The following C12orf42 variants were observed in gnomAD, a reference collection of about 807,000 sequenced individuals.
C12orf42 encodes uncharacterized protein C12orf42.
C12orf42 carries 25 observed loss-of-function variants against 21.6 expected under a neutral mutation model. The observed-to-expected ratio is 1.16, with a 90% CI of 0.84 to 1.62. The LOEUF (loss-of-function observed/expected upper bound fraction) is 1.62, where lower values mean the gene tolerates loss of function less well. Among genes scored for constraint, C12orf42 ranks in the 40% most tolerant of loss-of-function variants. C12orf42 has a pLI of 0.00. For synonymous variants in C12orf42, 174 were observed against 175.0 expected (o/e 0.99, Z 0.05); for missense variants, 483 against 459.3 (o/e 1.05, Z -0.47).
chr12:103,411,938 A>G (rs1361908804), intron 2 of C12orf42, among the ~76,000 whole-genome samples: 1 of 152,222 alleles, frequency 6.6e-6, no homozygotes, highest in African/African-American at 2.4e-5. Flanking sequence ...GAAGGCTATA[A>G]CATACTTCTA....
chr12:103,557,214 A>G, the C12orf42 span, among the ~76,000 whole-genome samples: 3 of 152,194 alleles, frequency 2.0e-5, no homozygotes, highest in Non-Finnish European at 4.4e-5. Context: ...ATAGGAAGAA[A>G]GTTTGAGCTC....
At chr12:103,551,025 T>C in the C12orf42 span, among the ~76,000 whole-genome samples, 4 of 152,216 alleles carry the variant, frequency 2.6e-5, no homozygotes, top group East Asian at 7.7e-4. Context: ...CTATCACTTA[T>C]AGTGTTATTT....
chr12:103,298,788 G>C (rs2037468873), downstream of C12orf42, among the ~76,000 whole-genome samples: 1 of 152,146 alleles, frequency 6.6e-6, no homozygotes, highest in Admixed American at 6.5e-5. Context: ...ATTTTGGTCA[G>C]TTCCAATAAT....
At chr12:103,062,926 C>T in the C12orf42 span, among the ~76,000 whole-genome samples, 8 of 151,786 alleles carry the variant, frequency 5.3e-5, no homozygotes, top group Admixed American at 2.0e-4. Context: ...TTTTTTATGC[C>T]GTTGGCTGCT....
chr12:103,535,214 T>A, the C12orf42 span, among the ~76,000 whole-genome samples: 1 of 152,000 alleles, frequency 6.6e-6, no homozygotes, highest in Non-Finnish European at 1.5e-5. Flanking sequence ...GTTCACATAA[T>A]AAAGGGGAAG....
At chr12:103,348,350 T>C (rs999391327) in intron 4 of C12orf42, among the ~76,000 whole-genome samples, 3 of 152,170 alleles carry the variant, frequency 2.0e-5, no homozygotes, top group Non-Finnish European at 2.9e-5. Flanking sequence ...TCCTACCTTA[T>C]TGTGGGAGAA....
the C12orf42 span, among the ~76,000 whole-genome samples, chr12:103,196,295 G>A: frequency 6.6e-6 from 1 of 152,040 alleles, no homozygotes; most frequent in Non-Finnish European, 1.5e-5. Flanking sequence ...TCTAGAGTAT[G>A]TTTAATATGA....
At chr12:103,250,417 TA>T (rs1181702962) in intron 10 of C12orf42, among the ~76,000 whole-genome samples, 1 of 152,018 alleles carries the variant, frequency 6.6e-6, no homozygotes, top group Non-Finnish European at 1.5e-5. Context: ...CAACAGCACC[TA>T]CATTTTAAAG....
chr12:103,493,722 CAAA>C (rs34431365), intron 1 of C12orf42, among the ~76,000 whole-genome samples: 20 of 103,672 alleles, frequency 1.9e-4, no homozygotes, highest in South Asian at 3.3e-4. Context: ...AAAGGGGAGA[CAAA>C]AAAAAAAAAA....
At chr12:103,326,087 G>A (rs2040668777) in intron 4 of C12orf42, among the ~76,000 whole-genome samples, 1 of 152,144 alleles carries the variant, frequency 6.6e-6, no homozygotes, top group African/African-American at 2.4e-5. Flanking sequence ...ACAATTTGAT[G>A]AGGTTATCAT....
the C12orf42 span, among the ~76,000 whole-genome samples, chr12:103,540,295 C>T: frequency 5.7e-4 from 87 of 152,246 alleles, no homozygotes; most frequent in Non-Finnish European, 8.8e-4. Context: ...TGTGAGCTAC[C>T]GCGCCCGGCC....
the C12orf42 span, among the ~76,000 whole-genome samples, chr12:103,520,790 T>A: frequency 6.6e-6 from 1 of 152,258 alleles, no homozygotes; most frequent in Non-Finnish European, 1.5e-5. Flanking sequence ...TTCATGGGCA[T>A]GCCCAGTCCA....
At chr12:103,472,443 T>C (rs1486766997) in intron 2 of C12orf42, among the ~76,000 whole-genome samples, 1 of 152,178 alleles carries the variant, frequency 6.6e-6, no homozygotes, top group East Asian at 1.9e-4. Context: ...CCCTATTTGG[T>C]ACATTTAGCA....
intron 3 of C12orf42, 88 bp downstream of exon 3, chr12:103,401,519 A>C (rs2047990213): frequency 4.5e-6 from 5 of 1,104,116 alleles, no homozygotes; most frequent in Non-Finnish European, 6.7e-6. Flanking sequence ...AAAAATACAA[A>C]GAAACAAATC....
At chr12:103,287,516 G>T (rs1473686484) in intron 4 of C12orf42, among the ~76,000 whole-genome samples, 1 of 151,924 alleles carries the variant, frequency 6.6e-6, no homozygotes, top group Non-Finnish European at 1.5e-5. Flanking sequence ...GAGAACACAT[G>T]GACACAGGAA....
chr12:103,114,177 A>C, the C12orf42 span, among the ~76,000 whole-genome samples: 1 of 152,234 alleles, frequency 6.6e-6, no homozygotes, highest in Non-Finnish European at 1.5e-5. Context: ...TTATTGTTAA[A>C]GTGTTTCAAT....
At chr12:103,129,727 C>T in the C12orf42 span, among the ~76,000 whole-genome samples, 3 of 152,176 alleles carry the variant, frequency 2.0e-5, no homozygotes, top group East Asian at 1.9e-4. Context: ...CATTCTAGCC[C>T]AGTCTTCACT....
chr12:103,490,892 C>T (rs1279923267), intron 1 of C12orf42, among the ~76,000 whole-genome samples: 1 of 151,676 alleles, frequency 6.6e-6, no homozygotes, highest in Non-Finnish European at 1.5e-5. Flanking sequence ...AATATTAAAC[C>T]ATTCTGAAAT....
chr12:103,363,926 A>G (rs1234900301), intron 4 of C12orf42, among the ~76,000 whole-genome samples: 2 of 152,134 alleles, frequency 1.3e-5, no homozygotes, highest in African/African-American at 2.4e-5. Flanking sequence ...TGACAGCACT[A>G]GACAGGCCAT....
Sources: gnomAD v4.1 joint callset for allele counts (sites outside exome capture counted in the v4.1 genomes callset) on GRCh38, gnomAD v4.1.1 for gene constraint, MANE v1.5 for transcripts, NCBI Gene and HGNC (gene_info 2026-07-23, HGNC 2026-07-21) for gene names.